Variants in NRG2 observed in about 807,000 individuals in gnomAD.
NRG2 encodes neuregulin 2.
Under a neutral mutation model 73.9 loss-of-function variants are expected in NRG2, and 27 were observed. The observed-to-expected ratio is 0.37, with a 90% CI of 0.27 to 0.50. The LOEUF is 0.50. Among genes scored for constraint, NRG2 ranks in the 20% least tolerant of loss-of-function variants. The pLI, the probability that NRG2 is intolerant of heterozygous loss-of-function variation, is 0.96. For missense variants in NRG2, 1,126 were observed against 1,210.1 expected (o/e 0.93, Z 1.03); for synonymous variants, 532 against 541.0 (o/e 0.98, Z 0.23).
At chr5:140,017,612 T>G (rs1053201767) in intron 1 of NRG2, among the ~76,000 whole-genome samples, 36 of 152,136 alleles carry the variant, frequency 2.4e-4, no homozygotes, top group African/African-American at 8.2e-4. Flanking sequence ...CAATGAAACA[T>G]GTACATTAGG....
At chr5:139,891,784 G>A (rs1764226104) in intron 1 of NRG2, among the ~76,000 whole-genome samples, 1 of 152,138 alleles carries the variant, frequency 6.6e-6, no homozygotes, top group Admixed American at 6.5e-5. Context: ...TTGACATGGG[G>A]CTGTGCAAGC....
intron 1 of NRG2, among the ~76,000 whole-genome samples, chr5:139,893,968 C>T (rs1401635856): frequency 6.6e-6 from 1 of 152,192 alleles, no homozygotes; most frequent in African/African-American, 2.4e-5. Flanking sequence ...ATCTGTTTGA[C>T]AGGCCATCCC....
intron 1 of NRG2, among the ~76,000 whole-genome samples, chr5:139,981,035 C>T (rs1292340403): frequency 6.6e-6 from 1 of 152,186 alleles, no homozygotes; most frequent in Non-Finnish European, 1.5e-5. Flanking sequence ...TTGGGAAAAG[C>T]ATCAACAGTG....
intron 1 of NRG2, among the ~76,000 whole-genome samples, chr5:139,900,617 C>G (rs529443686): frequency 1.3e-5 from 2 of 152,348 alleles, no homozygotes; most frequent in East Asian, 3.9e-4. Flanking sequence ...TCCTAAGCCC[C>G]TCTTCCATAT....
intron 1 of NRG2, among the ~76,000 whole-genome samples, chr5:139,948,331 C>T (rs1561701196): frequency 2.0e-5 from 3 of 152,222 alleles, no homozygotes. Context: ...TTGGCTCCCA[C>T]ATACCAACCT....
In NRG2 at chr5:139,865,700, C is replaced by T; in HGVS notation, c.1113-75G>A. Reference sequence around the variant, plus strand: ...GAGGCTAAGGTTAGAAATCAAAGTGCACAGTGATGAATGAGAAAAACCAAG... The same window carrying T: ...GAGGCTAAGGTTAGAAATCAAAGTGTACAGTGATGAATGAGAAAAACCAAG... On this transcript the variant is annotated intron_variant, in intron 4 of 9. Transcript: ENST00000361474. The surrounding 1 kb of genome is among the most constrained non-coding windows in gnomAD (Gnocchi z 5.2). The T allele has an allele frequency of 7.8e-7, 1 of 1,280,360 alleles. No individual in the cohort carries two copies. Among genetic ancestry groups the T allele is most frequent in the Non-Finnish European group, 1.1e-6 (1 of 902,682 alleles). 79.3% of individuals were successfully genotyped at this position (1,280,360 alleles called of 1,614,324 possible). A position where few individuals can be genotyped will look rare whatever the true frequency, so the allele number is the denominator to read the frequency against.
chr5:139,957,336 TG>T (rs1754711010), intron 1 of NRG2, among the ~76,000 whole-genome samples: 1 of 151,888 alleles, frequency 6.6e-6, no homozygotes, highest in Non-Finnish European at 1.5e-5. Context: ...TGTGTGTGTG[TG>T]TGTGTGTGTG....
rs1477401069 is a variant in NRG2, at chr5:139,848,081, C to G, written c.2389G>C (p.Gly797Arg). The G allele has an allele frequency of 6.7e-7, 1 of 1,494,452 alleles. No individual in the cohort carries two copies. The highest frequency in any genetic ancestry group is 8.9e-7 in the Non-Finnish European group (1 of 1,129,266). 92.6% of individuals were successfully genotyped at this position (1,494,452 alleles called of 1,614,324 possible). ...AGCGCGTCGTGCGCCCCACGCAGGC[C>G]CAGGAAAGGTGTGCTCTCGGCCGCC... is the stretch of plus-strand genomic sequence containing the variant. ...ALAAESTPFL[G>R]LRGAHDALRS... Residue 797 changes from glycine to arginine, a missense_variant, in exon 10 of 10, where the codon GGC becomes CGC. Gly to Arg is a moderately radical substitution (Grantham distance 125). This residue lies in a region of NRG2 where 402 missense variants were observed against 357.8 expected (regional missense o/e 1.12). Coordinates refer to ENST00000361474, the MANE Select transcript of NRG2 (RefSeq NM_004883.3).
chr5:139,979,235 T>TA (rs925579553), intron 1 of NRG2, among the ~76,000 whole-genome samples: 10 of 150,948 alleles, frequency 6.6e-5, no homozygotes, highest in South Asian at 4.2e-4. Flanking sequence ...AAGTATAATT[T>TA]AAAAAAAAAG....
At chr5:139,992,620 C>T (rs1319328289) in intron 1 of NRG2, among the ~76,000 whole-genome samples, 2 of 152,174 alleles carry the variant, frequency 1.3e-5, no homozygotes, top group Non-Finnish European at 2.9e-5. Flanking sequence ...CCCTTCATTT[C>T]ATTTATCATG....
intron 1 of NRG2, among the ~76,000 whole-genome samples, chr5:139,967,745 G>C (rs764536154): frequency 2.0e-4 from 30 of 152,132 alleles, no homozygotes; most frequent in African/African-American, 7.2e-4. Flanking sequence ...AGGCCGAGGC[G>C]GGTGGGAGAT....
Position 139,904,260 on chromosome 5 carries a change from G to A in NRG2, c.701-16749C>T, listed in dbSNP as rs1181419415. 1 of 1,567,948 alleles carries A rather than the reference G, an allele frequency of 6.4e-7. No homozygotes were observed. The highest frequency in any genetic ancestry group is 1.2e-5 in the South Asian group (1 of 86,318). On this transcript the variant is annotated intron_variant, in intron 1 of 9. Coordinates refer to ENST00000361474, the MANE Select transcript of NRG2 (RefSeq NM_004883.3). The surrounding 1 kb of genome is among the most constrained non-coding windows in gnomAD (Gnocchi z 6.0). ...CTGGGGGCGGGTGAGCGGGCGGCAG[G>A]TTTCTCCCAGGGAAACCGGGTTTCT...
At chr5:140,025,854 G>T (rs936885915) in intron 1 of NRG2, among the ~76,000 whole-genome samples, 1 of 152,214 alleles carries the variant, frequency 6.6e-6, no homozygotes, top group Non-Finnish European at 1.5e-5. Flanking sequence ...CACTCAGGAA[G>T]CTCACAGTCT....
chr5:139,922,170 G>A (rs1228899840), intron 1 of NRG2, among the ~76,000 whole-genome samples: 1 of 151,550 alleles, frequency 6.6e-6, no homozygotes, highest in Non-Finnish European at 1.5e-5. Context: ...ATTTGCAAAG[G>A]ACACATCTAA....
At chr5:139,871,946 C>T in intron 3 of NRG2, 105 bp from the exon 4 acceptor site, 5 of 1,478,452 alleles carry the variant, frequency 3.4e-6, no homozygotes, top group South Asian at 1.3e-5. Flanking sequence ...TGACCAGAGG[C>T]TGCAGGAATG....
At chr5:139,905,831 C>G (rs929588702) in intron 1 of NRG2, among the ~76,000 whole-genome samples, 3 of 152,154 alleles carry the variant, frequency 2.0e-5, no homozygotes, top group African/African-American at 7.2e-5. Context: ...CCAGGTCTCA[C>G]TTCTGCTTCA....
chr5:139,886,739 C>T (rs1763896751), intron 2 of NRG2, among the ~76,000 whole-genome samples: 2 of 152,202 alleles, frequency 1.3e-5, no homozygotes, highest in African/African-American at 2.4e-5. Context: ...CTCCCATAGC[C>T]TAGAGACTCA....
At chr5:140,027,381 G>A (rs1452244970) in intron 1 of NRG2, among the ~76,000 whole-genome samples, 1 of 152,218 alleles carries the variant, frequency 6.6e-6, no homozygotes, top group Admixed American at 6.5e-5. Context: ...CAGCTTCAGA[G>A]GGAACTCAAA....
intron 1 of NRG2, among the ~76,000 whole-genome samples, chr5:140,033,732 G>T (rs1444215962): frequency 6.6e-6 from 1 of 152,044 alleles, no homozygotes; most frequent in Non-Finnish European, 1.5e-5. Flanking sequence ...CCTCCCCCTG[G>T]TCTGCTTCTG....
Sources: allele counts gnomAD v4.1 joint callset (sites outside exome capture counted in the v4.1 genomes callset), GRCh38; gene constraint gnomAD v4.1.1; regional missense constraint gnomAD v4.1.1; non-coding constraint Gnocchi (gnomAD v3.1); transcripts MANE v1.5; gene names NCBI Gene and HGNC (gene_info 2026-07-23, HGNC 2026-07-21).